SIGLEC15: variants seen among roughly 807,000 people sequenced by gnomAD.
SIGLEC15 encodes the protein sialic acid binding Ig like lectin 15, also known as sialic acid-binding Ig-like lectin 15.
Under a neutral mutation model 26.2 loss-of-function variants are expected in SIGLEC15, and 31 were observed. That is an observed-to-expected ratio of 1.18 (90% confidence interval 0.89 to 1.60). The LOEUF (loss-of-function observed/expected upper bound fraction) is 1.60. Among genes scored for constraint, SIGLEC15 ranks in the 40% most tolerant of loss-of-function variants. The pLI, the probability that SIGLEC15 is intolerant of heterozygous loss-of-function variation, is 0.00. For synonymous variants in SIGLEC15, 207 were observed against 221.9 expected, an observed-to-expected ratio of 0.93 and a Z score of 0.60; for missense variants, 501 against 488.4, an observed-to-expected ratio of 1.03 and a Z score of -0.24.
chr18:45,841,007 G>A (rs1348366726), intron 5 of SIGLEC15: 2 of 152,268 alleles, frequency 1.3e-5, no homozygotes, highest in Non-Finnish European at 2.9e-5. Context: ...CTGCATACCA[G>A]GCACTGGTAC....
rs372465193 is a variant in SIGLEC15 at position 45,842,442 on chromosome 18, T to TGTGTGTGAGA, written c.*256_*257insTGTGTGAGAG. On this transcript the variant is annotated 3_prime_UTR_variant, in exon 6 of 6. Transcript: ENST00000389474. The stretch of plus-strand genomic sequence containing the variant: ...ATACGTCTGTGTGTGTGTGTGTGTG[T>TGTGTGTGAGA]GAGAGAGAGAGAGAGAGAGTACACG... The TGTGTGTGAGA allele has an allele frequency of 1.4e-5, 5 of 344,974 alleles. No homozygotes were observed. The highest frequency in any genetic ancestry group is 8.5e-5 in the African/African-American group (4 of 46,862). The allele number at this position is 344,974 out of a possible 1,614,324, so 21.4% of individuals were successfully genotyped here.
intron 5 of SIGLEC15, among the ~76,000 whole-genome samples, 165 bp downstream of exon 5, chr18:45,840,406 C>T (rs1336961887): frequency 6.6e-6 from 1 of 152,154 alleles, no homozygotes; most frequent in Non-Finnish European, 1.5e-5. Flanking sequence ...ACCCCTCTTG[C>T]AGCCTGCCAA....
chr18:45,840,543 A>T (rs2048316989), intron 5 of SIGLEC15, among the ~76,000 whole-genome samples: 1 of 152,120 alleles, frequency 6.6e-6, no homozygotes, highest in African/African-American at 2.4e-5. Flanking sequence ...CACATTGGGG[A>T]CACTCATCCC....
At chr18:45,828,356 C>G (rs955910932) in intron 1 of SIGLEC15, among the ~76,000 whole-genome samples, 6 of 152,204 alleles carry the variant, frequency 3.9e-5, no homozygotes, top group African/African-American at 1.4e-4. Flanking sequence ...CCAGCAGCCC[C>G]TAATCTCCCA....
chr18:45,832,868 T>G (rs1285978636), intron 1 of SIGLEC15, among the ~76,000 whole-genome samples: 2 of 152,146 alleles, frequency 1.3e-5, no homozygotes, highest in Non-Finnish European at 2.9e-5. Flanking sequence ...TTTCCCACCC[T>G]CACCCTGAGT....
In SIGLEC15 at chr18:45,839,266, G is replaced by GA. The variant is rs200685233; in HGVS notation, c.874+177dup. The stretch of plus-strand genomic sequence containing the variant: ...GAAGCCCAGCAGGTGTAACCAGCAC[G>GA]AAAAAATCCCATTTTGCAATAAGGA... On this transcript the variant is annotated intron_variant, in intron 4 of 5. Coordinates refer to ENST00000389474, the MANE Select transcript of SIGLEC15 (RefSeq NM_213602.3). 5.4e-3 allele frequency among the ~76,000 whole-genome samples: 817 copies of GA among 152,314 alleles called. 4 individuals carry two copies. The highest frequency in any genetic ancestry group is 0.02 in the Middle Eastern group (6 of 294).
rs758328612 is a variant in SIGLEC15, at chr18:45,840,241, G to A, written c.905G>A (p.Arg302Gln). 17 of 1,611,512 alleles carry A rather than the reference G, an allele frequency of 1.1e-5. No homozygotes were observed. In the South Asian group the frequency reaches 1.3e-4, roughly 13 times the overall value. ...EHLDTPDTPP[R>Q]SQAQESNYEN... ...CTGGACACCCCGGACACCCCACCACGGTAAGTGAGCTCCCCGCCTCCACCC... is the reference window on the plus strand; with the variant it reads ...CTGGACACCCCGGACACCCCACCACAGTAAGTGAGCTCCCCGCCTCCACCC... The change falls in exon 5 of 6, where the codon CGG becomes CAG. Residue 302 changes from arginine (R) to glutamine (Q), a missense_variant and splice_region_variant. Coordinates refer to ENST00000389474, the MANE Select transcript of SIGLEC15 (RefSeq NM_213602.3).
intron 1 of SIGLEC15, among the ~76,000 whole-genome samples, chr18:45,828,487 A>T (rs1599386368): frequency 6.6e-6 from 1 of 151,860 alleles, no homozygotes; most frequent in African/African-American, 2.4e-5. Flanking sequence ...AGCTCCAACC[A>T]CCCGAGTGAC....
At position 45,841,588 on chromosome 18, in the gene SIGLEC15, G is replaced by A. The variant is rs146613836; in HGVS notation, c.906-518G>A. ...TGCAGGGGTGGCGGTGGGGAAGTGGGTAGACGGGAGGCAGGGCTTGCCCAA... is the reference window on the plus strand; with the variant it reads ...TGCAGGGGTGGCGGTGGGGAAGTGGATAGACGGGAGGCAGGGCTTGCCCAA... On this transcript the variant is annotated intron_variant, in intron 5 of 5. Transcript: ENST00000389474. Among the ~76,000 whole-genome samples, 81 of 152,264 alleles carry A rather than the reference G, an allele frequency of 5.3e-4. 1 individual carries two copies. In the East Asian group the frequency reaches 0.013, roughly 25 times the overall value.
chr18:45,826,588 C>T (rs974816666), intron 1 of SIGLEC15, among the ~76,000 whole-genome samples: 1 of 152,192 alleles, frequency 6.6e-6, no homozygotes, highest in Non-Finnish European at 1.5e-5. Flanking sequence ...GCACCTCTCT[C>T]CAGATCCCAG....
intron 5 of SIGLEC15, chr18:45,841,203 C>T (rs2048322178): frequency 6.6e-6 from 1 of 152,654 alleles, no homozygotes; most frequent in African/African-American, 2.4e-5. Context: ...ATCAAGTTCT[C>T]TTGGAGGACA....
chr18:45,833,197 G>A (rs1345999557), intron 1 of SIGLEC15, among the ~76,000 whole-genome samples: 1 of 152,184 alleles, frequency 6.6e-6, no homozygotes, highest in Non-Finnish European at 1.5e-5. Context: ...CCAGGGTTAA[G>A]CCTTGGCTCT....
chr18:45,834,868 T>C (rs1291114523), intron 1 of SIGLEC15, among the ~76,000 whole-genome samples: 2 of 152,126 alleles, frequency 1.3e-5, no homozygotes, highest in African/African-American at 4.8e-5. Context: ...AAGTGAGAAA[T>C]AGCAGGGAAA....
At chr18:45,834,106 A>C (rs1009736420) in intron 1 of SIGLEC15, among the ~76,000 whole-genome samples, 2 of 152,142 alleles carry the variant, frequency 1.3e-5, no homozygotes, top group African/African-American at 4.8e-5. Context: ...TGCTACCTCA[A>C]GGCTTCGTGC....
chr18:45,829,174 A>G lies in SIGLEC15; in HGVS notation c.52+3394A>G, dbSNP rs945973641. 7 of 984,914 alleles carry G rather than the reference A, an allele frequency of 7.1e-6. No individual in the cohort carries two copies. The East Asian group carries it at 6.8e-4, about 96-fold the overall frequency. 61.0% of individuals were successfully genotyped at this position (984,914 alleles called of 1,614,324 possible). On this transcript the variant is annotated intron_variant, in intron 1 of 5. Coordinates refer to ENST00000389474, the MANE Select transcript of SIGLEC15 (RefSeq NM_213602.3). ...GGTCAGCCTGTGGCCCTGCCTCTCC[A>G]TCAGCTCAGGTAAGCAGGGCCACAC...
rs199951548 is a variant in SIGLEC15 at position 45,840,284 on chromosome 18, C to G, written c.905+43C>G. Reference sequence around the variant, plus strand: ...CTCCACCCTACCCTACCCCACCCACCTAGTCCTCATCACCCAGGGGGTCCA... The same window carrying G: ...CTCCACCCTACCCTACCCCACCCACGTAGTCCTCATCACCCAGGGGGTCCA... On this transcript the variant is annotated intron_variant, in intron 5 of 5. Transcript: ENST00000389474. 3.8e-6 allele frequency: 6 copies of G among 1,591,448 alleles called. No homozygotes were observed. In the African/African-American group the frequency reaches 5.4e-5, roughly 14 times the overall value.
At chr18:45,835,813 C>A (rs1278531553) in intron 1 of SIGLEC15, among the ~76,000 whole-genome samples, 1 of 152,166 alleles carries the variant, frequency 6.6e-6, no homozygotes, top group East Asian at 1.9e-4. Flanking sequence ...ACACCTAGAG[C>A]ACACACCTGG....
rs539737786 is a variant in SIGLEC15, at chr18:45,838,468, G to C, written c.497-250G>C. 1.7e-4 allele frequency: 97 copies of C among 555,936 alleles called. 2 individuals carry two copies. The East Asian group carries it at 3.3e-3, about 19-fold the overall frequency. The allele number at this position is 555,936 out of a possible 1,614,324, so 34.4% of individuals were successfully genotyped here. On this transcript the variant is annotated intron_variant, in intron 3 of 5. Transcript: ENST00000389474. ...ACCTAGTCCAAGCACCCACAAGCAT[G>C]AATTTGCCAAATCTTTTCAGCAACC...
chr18:45,834,049 G>A (rs1568079340), intron 1 of SIGLEC15, among the ~76,000 whole-genome samples: 1 of 152,176 alleles, frequency 6.6e-6, no homozygotes, highest in African/African-American at 2.4e-5. Context: ...TATGCTGATT[G>A]ATGTCCACGC....
Sources: gnomAD v4.1 joint callset for allele counts (sites outside exome capture counted in the v4.1 genomes callset) on GRCh38, gnomAD v4.1.1 for gene constraint, MANE v1.5 for transcripts, NCBI Gene and HGNC (gene_info 2026-07-23, HGNC 2026-07-21) for gene names.